The following TCF12 variants were observed in gnomAD, a reference collection of about 807,000 sequenced individuals.
The protein encoded by TCF12 is DNA-binding protein HTF4.
TCF12 carries 45 observed loss-of-function variants against 86.0 expected under a neutral mutation model. That is an observed-to-expected ratio of 0.52 (90% CI 0.41 to 0.67). The LOEUF is 0.67. Among genes scored for constraint, TCF12 ranks in the 30% least tolerant of loss-of-function variants. TCF12 has a pLI of 0.00. For missense variants in TCF12, 881 were observed against 859.9 expected (o/e 1.02, Z -0.31); for synonymous variants, 330 against 299.6 (o/e 1.10, Z -1.05).
chr15:57,270,281 T>C (rs1343541998), intron 18 of TCF12, among the ~76,000 whole-genome samples: 1 of 152,230 alleles, frequency 6.6e-6, no homozygotes, highest in African/African-American at 2.4e-5. Flanking sequence ...TCTCTAAGCT[T>C]GTCTTCTCGC....
intron 3 of TCF12, among the ~76,000 whole-genome samples, chr15:56,972,755 C>T (rs1401184053): frequency 6.6e-6 from 1 of 151,880 alleles, no homozygotes; most frequent in African/African-American, 2.4e-5. Context: ...GTTTCTCATA[C>T]TTAAAAAAAT....
chr15:57,208,193 C>T (rs1186504352), intron 8 of TCF12, among the ~76,000 whole-genome samples: 5 of 151,162 alleles, frequency 3.3e-5, no homozygotes, highest in Non-Finnish European at 5.9e-5. Flanking sequence ...CCACCACACC[C>T]AGCTAATTTT....
At chr15:57,166,562 C>A in intron 6 of TCF12, 96 bp downstream of exon 6, 1 of 1,093,278 alleles carries the variant, frequency 9.1e-7, no homozygotes, top group Non-Finnish European at 1.3e-6. Flanking sequence ...CAATTTATTT[C>A]ACTACTGTTT....
chr15:57,057,250 C>A lies in TCF12; in HGVS notation c.149-6500C>A, dbSNP rs2068100170. Among the ~76,000 whole-genome samples the A allele has an allele frequency of 2.0e-5, 3 of 152,172 alleles. No individual in the cohort carries two copies. The South Asian group carries it at 6.2e-4, about 31-fold the overall frequency. On this transcript the variant is annotated intron_variant, in intron 3 of 20. Transcript: ENST00000333725. ...AAATTTGGGACCTCTCTTTTCTGGC[C>A]TTCTCCCTTTTGGGATTCTATCCTC...
intron 3 of TCF12, among the ~76,000 whole-genome samples, chr15:56,937,063 A>G (rs539221716): frequency 1.5e-4 from 23 of 152,172 alleles, no homozygotes; most frequent in Non-Finnish European, 2.9e-4. Context: ...TTTTGGCAGT[A>G]TGGTCATTTT....
intron 5 of TCF12, among the ~76,000 whole-genome samples, chr15:57,121,368 GCC>G (rs2051214759): frequency 6.6e-6 from 1 of 152,184 alleles, no homozygotes; most frequent in East Asian, 1.9e-4. Flanking sequence ...AATAGTGTTT[GCC>G]ATGGTTTGAA....
At chr15:57,198,487 C>T (rs1312883562) in intron 8 of TCF12, among the ~76,000 whole-genome samples, 1 of 152,130 alleles carries the variant, frequency 6.6e-6, no homozygotes. Context: ...TTTGGTGGAA[C>T]AATCATTAAT....
intron 6 of TCF12, among the ~76,000 whole-genome samples, chr15:57,184,489 C>T (rs535409370): frequency 1.3e-5 from 2 of 152,220 alleles, no homozygotes; most frequent in African/African-American, 4.8e-5. Context: ...TATGTTATGA[C>T]CAGCTTCATA....
intron 3 of TCF12, among the ~76,000 whole-genome samples, chr15:57,001,738 C>G (rs899937994): frequency 6.6e-6 from 1 of 152,096 alleles, no homozygotes; most frequent in Non-Finnish European, 1.5e-5. Context: ...TTAATTGATG[C>G]TATATATCAT....
chr15:57,055,200 G>A (rs1204880419), intron 3 of TCF12, among the ~76,000 whole-genome samples: 3 of 151,994 alleles, frequency 2.0e-5, no homozygotes, highest in Non-Finnish European at 4.4e-5. Flanking sequence ...TCAGGAGTTC[G>A]AGACCAGCCT....
intron 16 of TCF12, among the ~76,000 whole-genome samples, chr15:57,258,137 C>T (rs2060433102): frequency 6.6e-6 from 1 of 152,032 alleles, no homozygotes; most frequent in Non-Finnish European, 1.5e-5. Context: ...TCATCTTAGC[C>T]ACATGTGGTG....
intron 3 of TCF12, among the ~76,000 whole-genome samples, chr15:56,922,455 C>G (rs1252823138): frequency 6.6e-6 from 1 of 151,876 alleles, no homozygotes; most frequent in African/African-American, 2.4e-5. Flanking sequence ...ACTTTTTAAA[C>G]TTAAGAAGGA....
chr15:57,075,944 G>A (rs1221169674), intron 4 of TCF12, among the ~76,000 whole-genome samples: 3 of 149,616 alleles, frequency 2.0e-5, no homozygotes, highest in African/African-American at 4.9e-5. Context: ...GCCTATTGCA[G>A]CATTGAACCC....
chr15:57,052,799 C>G (rs1432327580), intron 3 of TCF12, among the ~76,000 whole-genome samples: 2 of 152,078 alleles, frequency 1.3e-5, no homozygotes, highest in African/African-American at 4.8e-5. Context: ...TGAATGTGGC[C>G]TTTGCTGTTA....
rs551118170 is a variant in TCF12, at chr15:57,121,183, G to A, written c.325+29292G>A. ...CTACCAGTGAGGCTACATGACTGAC[G>A]TAGAAACTGAGGTTCTTTCGCTAGT... On this transcript the variant is annotated intron_variant, in intron 5 of 20. Transcript: ENST00000333725. Among the ~76,000 whole-genome samples, 19 of 152,288 alleles carry A rather than the reference G, an allele frequency of 1.2e-4. No homozygotes were observed. In the South Asian group the frequency reaches 3.3e-3, roughly 27 times the overall value.
intron 3 of TCF12, among the ~76,000 whole-genome samples, chr15:57,004,447 C>T (rs1036300761): frequency 1.3e-5 from 2 of 151,738 alleles, no homozygotes; most frequent in African/African-American, 2.4e-5. Context: ...CTAGCTCTGT[C>T]GCCCAGGCTG....
At chr15:57,127,277 C>T (rs777521479) in intron 5 of TCF12, among the ~76,000 whole-genome samples, 10 of 152,104 alleles carry the variant, frequency 6.6e-5, no homozygotes, top group Non-Finnish European at 1.0e-4. Context: ...GCCACCTTGC[C>T]TGGCCCGCTT....
At chr15:56,994,619 C>T (rs1267294902) in intron 3 of TCF12, among the ~76,000 whole-genome samples, 1 of 152,018 alleles carries the variant, frequency 6.6e-6, no homozygotes, top group Non-Finnish European at 1.5e-5. Context: ...ATTCTAATGA[C>T]TTCAGATTTT....
In TCF12 at chr15:57,278,656, C is replaced by T. The variant is rs188618547; in HGVS notation, c.1979-3789C>T. Reference sequence around the variant, plus strand: ...CTCGTGAACACCCAATCATCATGCTCATGAACTACAAAAGGATCAAACCTT... The same window carrying T: ...CTCGTGAACACCCAATCATCATGCTTATGAACTACAAAAGGATCAAACCTT... On this transcript the variant is annotated intron_variant, in intron 19 of 20. Transcript: ENST00000333725. The T allele has an allele frequency of 1.1e-4, 24 of 212,894 alleles. No individual in the cohort carries two copies. In the East Asian group the frequency reaches 2.2e-3, roughly 20 times the overall value. The allele number at this position is 212,894 out of a possible 1,614,324, so 13.2% of individuals were successfully genotyped here.
Sources: gnomAD v4.1 joint callset for allele counts (sites outside exome capture counted in the v4.1 genomes callset) on GRCh38, gnomAD v4.1.1 for gene constraint, MANE v1.5 for transcripts, NCBI Gene and HGNC (gene_info 2026-07-23, HGNC 2026-07-21) for gene names.